The following MGAT4C variants were observed in gnomAD, a reference collection of about 807,000 sequenced individuals.
The protein encoded by MGAT4C is MGAT4 family member C, also known as alpha-1,3-mannosyl-glycoprotein 4-beta-N-acetylglucosaminyltransferase C.
In MGAT4C, 19 loss-of-function variants were observed where a neutral mutation model predicts 40.1. That is an observed-to-expected ratio of 0.47 (90% CI 0.33 to 0.70). The LOEUF (loss-of-function observed/expected upper bound fraction) is 0.70. Among genes scored for constraint, MGAT4C ranks in the 30% least tolerant of loss-of-function variants. MGAT4C has a pLI of 0.02. For missense variants in MGAT4C, 491 were observed against 563.2 expected, an observed-to-expected ratio of 0.87 and a Z score of 1.30; for synonymous variants, 181 against 187.1, an observed-to-expected ratio of 0.97 and a Z score of 0.27.
chr12:86,113,797 A>C (rs1459229470), intron 1 of MGAT4C, among the ~76,000 whole-genome samples: 3 of 151,942 alleles, frequency 2.0e-5, no homozygotes, highest in Admixed American at 1.3e-4. Flanking sequence ...CACTGCAAGA[A>C]ACTGAGATGC....
At chr12:86,405,052 A>G (rs1956437573) in intron 3 of MGAT4C, among the ~76,000 whole-genome samples, 1 of 152,140 alleles carries the variant, frequency 6.6e-6, no homozygotes, top group South Asian at 2.1e-4. Flanking sequence ...AACAAGAAAA[A>G]AAGTTTTCAG....
chr12:85,966,504 T>C lies in MGAT4C; in HGVS notation c.*12785A>G, dbSNP rs1023463574. Reference sequence around the variant, plus strand: ...TAACCAAAATCTTTTTAAAAATTCTTAGTTCTTTTAGAAATACCATTTGAC... The same window carrying C: ...TAACCAAAATCTTTTTAAAAATTCTCAGTTCTTTTAGAAATACCATTTGAC... On this transcript the variant is annotated 3_prime_UTR_variant, in exon 5 of 5. Coordinates refer to ENST00000611864, the MANE Select transcript of MGAT4C (RefSeq NM_001351288.2). 2 of 152,188 alleles carry C rather than the reference T, an allele frequency of 1.3e-5. No homozygotes were observed. Among genetic ancestry groups the C allele is most frequent in the Non-Finnish European group, 2.9e-5 (2 of 68,030 alleles). The allele number at this position is 152,188 out of a possible 1,614,324, so 9.4% of individuals were successfully genotyped here.
intron 1 of MGAT4C, among the ~76,000 whole-genome samples, chr12:86,759,299 C>A (rs1244662208): frequency 6.6e-6 from 1 of 152,026 alleles, no homozygotes; most frequent in Non-Finnish European, 1.5e-5. Context: ...GGAGGAACAT[C>A]CAGGTTGTTT....
At chr12:86,179,425 C>T (rs888794668) in intron 1 of MGAT4C, among the ~76,000 whole-genome samples, 1 of 152,120 alleles carries the variant, frequency 6.6e-6, no homozygotes, top group Non-Finnish European at 1.5e-5. Flanking sequence ...GTGGAAGCAA[C>T]TTTGGAACTG....
chr12:86,696,781 C>T (rs1950267203), intron 2 of MGAT4C, among the ~76,000 whole-genome samples: 1 of 152,206 alleles, frequency 6.6e-6, no homozygotes, highest in East Asian at 1.9e-4. Flanking sequence ...TAATTAGCAT[C>T]ATTCTCATGA....
intron 3 of MGAT4C, among the ~76,000 whole-genome samples, chr12:86,382,598 C>T (rs1326937770): frequency 6.6e-6 from 1 of 152,186 alleles, no homozygotes; most frequent in Non-Finnish European, 1.5e-5. Context: ...TCAGAGACTT[C>T]AATGGCAGCC....
rs531523961 is a variant in MGAT4C, at chr12:86,550,653, C to T, written c.-228-115388G>A. On this transcript the variant is annotated intron_variant, in intron 2 of 7. Coordinates refer to the MGAT4C transcript ENST00000548651. Reference sequence around the variant, plus strand: ...ACTGTGCTAAGCTTGGCCCAGTATCCGCTATGACTGTGGTCCTGCAGAGCA... The same window carrying T: ...ACTGTGCTAAGCTTGGCCCAGTATCTGCTATGACTGTGGTCCTGCAGAGCA... Among the ~76,000 whole-genome samples the T allele has an allele frequency of 3.3e-4, 51 of 152,306 alleles. 1 individual carries two copies. The South Asian group carries it at 6.0e-3, about 18-fold the overall frequency.
chr12:86,510,988 G>T (rs10858435), intron 2 of MGAT4C, among the ~76,000 whole-genome samples: 112,567 of 151,600 alleles, frequency 0.74, 43,253 homozygotes, highest in Non-Finnish European at 0.84. Context: ...GCACCAAGCA[G>T]ACCTAATAGA....
At chr12:86,013,765 G>GA (rs199552277) in intron 2 of MGAT4C, 37,737 of 754,886 alleles carry the variant, frequency 0.05, no homozygotes, top group Non-Finnish European at 0.054. Context: ...GAATCTTAGT[G>GA]AAAAAAAAAA....
rs73177439 is a variant in MGAT4C at position 86,634,464 on chromosome 12, T to G, written c.-229+92745A>C. ...CAAGATACAATTATTATAGTTCCTG[T>G]AAGTCAAGAGTCTAGCACAGTTTAT... On this transcript the variant is annotated intron_variant, in intron 2 of 7. Transcript: ENST00000548651. Among the ~76,000 whole-genome samples, 1,357 of 152,248 alleles carry G rather than the reference T, an allele frequency of 8.9e-3. 9 individuals are homozygous for G. The highest frequency in any genetic ancestry group is 0.014 in the Non-Finnish European group (936 of 68,016).
chr12:86,402,415 C>T (rs553955479), intron 3 of MGAT4C, among the ~76,000 whole-genome samples: 46 of 151,928 alleles, frequency 3.0e-4, no homozygotes, highest in African/African-American at 1.1e-3. Context: ...GGCAAAAGAG[C>T]GAGACTCCAT....
rs946663183 is a variant in MGAT4C at position 86,407,614 on chromosome 12, T to C, written c.-120+27543A>G. On this transcript the variant is annotated intron_variant, in intron 3 of 7. Coordinates refer to the MGAT4C transcript ENST00000548651. ...GGAGGTTACTGGAGTAGAATATTAC[T>C]TTTTTTTAAGTTTAATCAGTTTGCT... Among the ~76,000 whole-genome samples, 7 of 151,982 alleles carry C rather than the reference T, an allele frequency of 4.6e-5. 1 individual carries two copies. The South Asian group carries it at 8.3e-4, about 18-fold the overall frequency.
At chr12:86,029,871 G>A (rs1399623635) in intron 2 of MGAT4C, among the ~76,000 whole-genome samples, 1 of 151,714 alleles carries the variant, frequency 6.6e-6, no homozygotes, top group African/African-American at 2.4e-5. Flanking sequence ...AAAGTGTCTG[G>A]GGATTAATTT....
At chr12:86,137,364 A>G (rs967071186) in intron 1 of MGAT4C, among the ~76,000 whole-genome samples, 3 of 152,130 alleles carry the variant, frequency 2.0e-5, no homozygotes, top group African/African-American at 7.2e-5. Context: ...AGCTTCCCAT[A>G]TATTTTCCTA....
chr12:86,734,607 G>C (rs1711734651), intron 1 of MGAT4C, among the ~76,000 whole-genome samples: 1 of 151,962 alleles, frequency 6.6e-6, no homozygotes. Flanking sequence ...AGACCCAAGA[G>C]AGCTTGCTTC....
rs942860482 is a variant in MGAT4C at position 86,662,953 on chromosome 12, T to C, written c.-229+64256A>G. Among the ~76,000 whole-genome samples, 12 of 152,304 alleles carry C rather than the reference T, an allele frequency of 7.9e-5. No homozygotes were observed. The East Asian group carries it at 1.7e-3, about 22-fold the overall frequency. On this transcript the variant is annotated intron_variant, in intron 2 of 7. Transcript: ENST00000548651. ...AGTTAATAAAATACATATTTGTTAA[T>C]TGCAGTTAAAGTAATTTCCATGCTG...
Position 86,365,100 on chromosome 12 carries a change from C to T in MGAT4C, c.-119-30973G>A, listed in dbSNP as rs142351212. Among the ~76,000 whole-genome samples the T allele has an allele frequency of 3.6e-3, 555 of 152,180 alleles. 2 individuals carry two copies. The highest frequency in any genetic ancestry group is 0.012 in the African/African-American group (496 of 41,522). On this transcript the variant is annotated intron_variant, in intron 3 of 7. Coordinates refer to the MGAT4C transcript ENST00000548651. ...CTACAGCTTCGACCATAAAAGACGG[C>T]CGCCCCCTGAAGTGGCCATTTCAGA...
At chr12:86,429,958 T>A (rs1957001019) in intron 3 of MGAT4C, among the ~76,000 whole-genome samples, 3 of 152,168 alleles carry the variant, frequency 2.0e-5, no homozygotes, top group Admixed American at 2.0e-4. Context: ...TAAGCTTTAT[T>A]CCTTTATCTT....
At chr12:86,539,966 T>C (rs1435982395) in intron 2 of MGAT4C, among the ~76,000 whole-genome samples, 4 of 152,210 alleles carry the variant, frequency 2.6e-5, no homozygotes, top group African/African-American at 9.6e-5. Flanking sequence ...TCCCATTCTG[T>C]AGGTTGCCTT....
Sources: gnomAD v4.1 joint callset for allele counts (sites outside exome capture counted in the v4.1 genomes callset) on GRCh38, gnomAD v4.1.1 for gene constraint, MANE v1.5 for transcripts, NCBI Gene and HGNC (gene_info 2026-07-23, HGNC 2026-07-21) for gene names.